SPMIP7: variants seen among roughly 807,000 people sequenced by gnomAD.
The protein encoded by SPMIP7 is sperm microtubule inner protein 7, also known as protein SPMIP7.
the SPMIP7 span, among the ~76,000 whole-genome samples, chr7:50,130,304 G>A: frequency 1.3e-5 from 2 of 152,228 alleles, 1 homozygote; most frequent in South Asian, 4.1e-4. Flanking sequence ...TGGCTGGGGA[G>A]GCCTCACAAT....
chr7:50,119,933 G>T, the SPMIP7 span, among the ~76,000 whole-genome samples: 1 of 152,110 alleles, frequency 6.6e-6, no homozygotes, highest in African/African-American at 2.4e-5. Flanking sequence ...TAAATTACTC[G>T]CTGAACCTGG....
the SPMIP7 span, among the ~76,000 whole-genome samples, chr7:50,137,531 T>C: frequency 1.3e-5 from 2 of 152,166 alleles, no homozygotes; most frequent in Admixed American, 6.5e-5. Flanking sequence ...TACTCATATT[T>C]ATGTCTAGAA....
At chr7:50,134,333 A>T in the SPMIP7 span, 1 of 1,123,352 alleles carries the variant, frequency 8.9e-7, no homozygotes, top group Non-Finnish European at 1.2e-6. Flanking sequence ...TACTTATTTT[A>T]TTGTTAACAA....
At chr7:50,158,244 G>A in the SPMIP7 span, among the ~76,000 whole-genome samples, 1,379 of 150,362 alleles carry the variant, frequency 9.2e-3, 14 homozygotes, top group Non-Finnish European at 0.014. Context: ...GTGAAGCCTG[G>A]ATCCCTCCCA....
chr7:50,100,211 C>T, the SPMIP7 span, among the ~76,000 whole-genome samples: 14 of 152,274 alleles, frequency 9.2e-5, no homozygotes, highest in African/African-American at 3.4e-4. Context: ...AACATGGGAA[C>T]CAACTGAGGG....
At chr7:50,151,595 A>C in the SPMIP7 span, 3 of 1,356,854 alleles carry the variant, frequency 2.2e-6, no homozygotes, top group Non-Finnish European at 3.1e-6. Flanking sequence ...GCTCAGATAC[A>C]TTAGGAGGGG....
the SPMIP7 span, among the ~76,000 whole-genome samples, chr7:50,125,235 TATACACATATATACACATATATATAC>T: frequency 5.5e-4 from 28 of 50,564 alleles, 1 homozygote; most frequent in Admixed American, 9.8e-4. Context: ...TACACATATA[TATACACATATATACACATATATATAC>T]ACACATATAT....
the SPMIP7 span, chr7:50,141,726 A>ATTTTTTTT: frequency 1.1e-4 from 4 of 35,376 alleles, no homozygotes; most frequent in Admixed American, 6.3e-4. Flanking sequence ...GAGAGGAATC[A>ATTTTTTTT]CTTTTTTTTT....
chr7:50,130,415 G>A, the SPMIP7 span, among the ~76,000 whole-genome samples: 1 of 152,012 alleles, frequency 6.6e-6, no homozygotes, highest in Non-Finnish European at 1.5e-5. Flanking sequence ...CAGATCTCGT[G>A]AGACTTATTC....
chr7:50,117,746 C>A, the SPMIP7 span, among the ~76,000 whole-genome samples: 1 of 152,178 alleles, frequency 6.6e-6, no homozygotes, highest in Non-Finnish European at 1.5e-5. Flanking sequence ...TGAGTTAATA[C>A]AGAAGAGAAC....
chr7:50,156,158 C>A, the SPMIP7 span, among the ~76,000 whole-genome samples: 1 of 152,324 alleles, frequency 6.6e-6, no homozygotes, highest in South Asian at 2.1e-4. Flanking sequence ...TGCCCTCTAG[C>A]AGGAAGGCCT....
chr7:50,113,769 C>CA, the SPMIP7 span, among the ~76,000 whole-genome samples: 1 of 151,784 alleles, frequency 6.6e-6, no homozygotes, highest in Non-Finnish European at 1.5e-5. Flanking sequence ...GACACAATGA[C>CA]ACAAATTGTT....
At chr7:50,146,837 T>C in the SPMIP7 span, among the ~76,000 whole-genome samples, 1 of 152,196 alleles carries the variant, frequency 6.6e-6, no homozygotes, top group Non-Finnish European at 1.5e-5. Context: ...GACCTGCTGC[T>C]CCTCTCACAT....
At chr7:50,120,396 C>A in the SPMIP7 span, 1 of 152,086 alleles carries the variant, frequency 6.6e-6, no homozygotes. Context: ...AAGCCACTCT[C>A]CTGAAGGGGG....
At chr7:50,151,123 T>C in the SPMIP7 span, among the ~76,000 whole-genome samples, 1 of 152,262 alleles carries the variant, frequency 6.6e-6, no homozygotes, top group Admixed American at 6.5e-5. Context: ...CAAGACCTGG[T>C]ATCTTCCTTC....
the SPMIP7 span, chr7:50,158,992 T>C: frequency 3.4e-5 from 52 of 1,532,580 alleles, no homozygotes; most frequent in South Asian, 5.3e-4. Flanking sequence ...GGTTGTGTAT[T>C]TGTACATGTC....
At chr7:50,122,655 G>T in the SPMIP7 span, among the ~76,000 whole-genome samples, 72,697 of 145,188 alleles carry the variant, frequency 0.5, 18,285 homozygotes, top group East Asian at 0.72. Context: ...GAAAATTTTT[G>T]CAACCTACTC....
the SPMIP7 span, among the ~76,000 whole-genome samples, chr7:50,143,461 C>A: frequency 6.6e-6 from 1 of 152,140 alleles, no homozygotes; most frequent in Non-Finnish European, 1.5e-5. Context: ...CCACCACACC[C>A]GGCCCAAAAA....
At chr7:50,145,616 GTGTATATATA>G in the SPMIP7 span, among the ~76,000 whole-genome samples, 6 of 26,950 alleles carry the variant, frequency 2.2e-4, 1 homozygote, top group African/African-American at 3.0e-4. Context: ...GTATATGTGT[GTGTATATATA>G]TATATATATA....
Sources: allele counts gnomAD v4.1 joint callset (sites outside exome capture counted in the v4.1 genomes callset), GRCh38; gene constraint gnomAD v4.1.1; transcripts MANE v1.5; gene names NCBI Gene and HGNC (gene_info 2026-07-23, HGNC 2026-07-21).